PPP1R9A: variants seen among roughly 807,000 people sequenced by gnomAD.
PPP1R9A encodes the protein neurabin-1.
PPP1R9A carries 59 observed loss-of-function variants against 141.9 expected under a neutral mutation model. The observed-to-expected ratio is 0.42, with a 90% CI of 0.34 to 0.52. The LOEUF (loss-of-function observed/expected upper bound fraction) is 0.52, where lower values mean the gene tolerates loss of function less well. Ranked by LOEUF, PPP1R9A falls within the 20% of genes least tolerant of loss-of-function variation. The pLI is 0.10. For synonymous variants in PPP1R9A, 500 were observed against 569.7 expected (o/e 0.88, Z 1.74); for missense variants, 1,444 against 1,611.9 (o/e 0.90, Z 1.78).
At chr7:95,191,897 A>G (rs1414191953) in intron 5 of PPP1R9A, among the ~76,000 whole-genome samples, 1 of 152,104 alleles carries the variant, frequency 6.6e-6, no homozygotes, top group Non-Finnish European at 1.5e-5. Context: ...GATTCAACAC[A>G]TGTTGTCAGT....
intron 2 of PPP1R9A, among the ~76,000 whole-genome samples, chr7:94,925,483 C>G (rs1183573008): frequency 6.6e-6 from 1 of 151,948 alleles, no homozygotes; most frequent in East Asian, 1.9e-4. Context: ...CCCCACATGT[C>G]TTAGTGGGGG....
chr7:95,202,523 G>GTTT lies in PPP1R9A; in HGVS notation c.1891-1134_1891-1132dup. ...TGTTTAATCGAAGTATTGATCACTT[G>GTTT]TTTTTTTTTTCTTTCTTTCTCTTTT... is the stretch of plus-strand genomic sequence containing the variant. On this transcript the variant is annotated intron_variant, in intron 6 of 19. Transcript: ENST00000433360. 1.0e-4 allele frequency: 61 copies of GTTT among 592,468 alleles called. No individual in the cohort carries two copies. The Middle Eastern group carries it at 2.5e-3, about 25-fold the overall frequency. 36.7% of individuals were successfully genotyped at this position (592,468 alleles called of 1,614,324 possible). A position where few individuals can be genotyped will look rare whatever the true frequency, so the allele number is the denominator to read the frequency against.
intron 5 of PPP1R9A, among the ~76,000 whole-genome samples, chr7:95,165,464 C>T (rs1208132340): frequency 1.3e-5 from 2 of 152,188 alleles, no homozygotes; most frequent in Non-Finnish European, 2.9e-5. Context: ...TGAAGATCTT[C>T]CAGCCTTACT....
intron 12 of PPP1R9A, among the ~76,000 whole-genome samples, chr7:95,264,144 T>C (rs958260289): frequency 6.6e-6 from 1 of 152,210 alleles, no homozygotes; most frequent in Non-Finnish European, 1.5e-5. Flanking sequence ...GGCAATTATC[T>C]ATTAACCCAA....
At position 95,029,849 on chromosome 7, in the gene PPP1R9A, C is replaced by T. The variant is rs971793405; in HGVS notation, c.1396-81410C>T. On this transcript the variant is annotated intron_variant, in intron 2 of 19. Transcript: ENST00000433360. Reference sequence around the variant, plus strand: ...ATCTTAGTGAATCAAAACTGACATACATTGCCGTTTTAGTTGGCATTTACT... The same window carrying T: ...ATCTTAGTGAATCAAAACTGACATATATTGCCGTTTTAGTTGGCATTTACT... 2.6e-5 allele frequency among the ~76,000 whole-genome samples: 4 copies of T among 152,190 alleles called. No homozygotes were observed. In the East Asian group the frequency reaches 5.8e-4, roughly 22 times the overall value.
intron 8 of PPP1R9A, among the ~76,000 whole-genome samples, chr7:95,244,667 G>A (rs975766320): frequency 9.9e-5 from 15 of 152,130 alleles, no homozygotes; most frequent in African/African-American, 3.6e-4. Context: ...TTGATTTCTT[G>A]TTTCTCTTTA....
At chr7:95,173,663 T>A (rs1223323083) in intron 5 of PPP1R9A, among the ~76,000 whole-genome samples, 1 of 152,032 alleles carries the variant, frequency 6.6e-6, no homozygotes, top group Non-Finnish European at 1.5e-5. Context: ...AAGATTATTA[T>A]AACAACTATA....
chr7:95,270,687 C>T (rs116416040), intron 14 of PPP1R9A, among the ~76,000 whole-genome samples: 5 of 152,132 alleles, frequency 3.3e-5, no homozygotes, highest in African/African-American at 1.2e-4. Flanking sequence ...GCTTACATAG[C>T]ACTGGGCCTT....
chr7:95,087,648 G>A (rs544727701), intron 2 of PPP1R9A, among the ~76,000 whole-genome samples: 8 of 152,140 alleles, frequency 5.3e-5, no homozygotes, highest in African/African-American at 1.9e-4. Context: ...TTTAATCCCA[G>A]CACTTTGGGA....
At chr7:95,189,060 T>G (rs1020473456) in intron 5 of PPP1R9A, among the ~76,000 whole-genome samples, 8 of 152,164 alleles carry the variant, frequency 5.3e-5, no homozygotes, top group Non-Finnish European at 1.2e-4. Context: ...TTTTGCTGGA[T>G]ACAGAGTTCT....
chr7:95,146,991 G>A (rs1024331396), intron 4 of PPP1R9A, among the ~76,000 whole-genome samples: 1 of 152,138 alleles, frequency 6.6e-6, no homozygotes, highest in African/African-American at 2.4e-5. Flanking sequence ...CTCTTTTGTG[G>A]TTTCATATGA....
At chr7:95,216,649 T>C (rs1475304325) in intron 7 of PPP1R9A, among the ~76,000 whole-genome samples, 1 of 152,196 alleles carries the variant, frequency 6.6e-6, no homozygotes, top group Non-Finnish European at 1.5e-5. Flanking sequence ...CGTTGAGCAG[T>C]GGTTTGTAGT....
chr7:95,205,685 C>G (rs1218286513), intron 7 of PPP1R9A, among the ~76,000 whole-genome samples: 1 of 152,176 alleles, frequency 6.6e-6, no homozygotes, highest in Non-Finnish European at 1.5e-5. Flanking sequence ...TGTATGTCAG[C>G]TTAATCCTGT....
At position 95,290,115 on chromosome 7, in the gene PPP1R9A, G is replaced by T; in HGVS notation, c.3937G>T (p.Asp1313Tyr). The T allele has an allele frequency of 1.2e-6, 2 of 1,613,924 alleles. No individual in the cohort carries two copies. The highest frequency in any genetic ancestry group is 2.2e-5 in the South Asian group (2 of 91,020). ...LKALGMTASQ[D>Y]RAVVKKKLKE... The stretch of plus-strand genomic sequence containing the variant: ...GGCTCTTGGAATGACAGCATCCCAG[G>T]ACCGAGCAGTGGTCAAAAAGAAACT... The change falls in exon 20 of 20, where the codon GAC becomes TAC. Residue 1313 changes from aspartate to tyrosine, a missense_variant. Asp to Tyr is a radical substitution (Grantham distance 160). This residue lies in a region of PPP1R9A where 459 missense variants were observed against 513.8 expected (regional missense o/e 0.89). Coordinates refer to ENST00000433360, the MANE Select transcript of PPP1R9A (RefSeq NM_001166160.2).
intron 4 of PPP1R9A, among the ~76,000 whole-genome samples, chr7:95,125,923 A>G (rs1216857474): frequency 6.6e-6 from 1 of 152,078 alleles, no homozygotes; most frequent in Non-Finnish European, 1.5e-5. Flanking sequence ...ACCCCCTCTT[A>G]GGACCCATCT....
intron 9 of PPP1R9A, among the ~76,000 whole-genome samples, chr7:95,248,332 C>T (rs1798429845): frequency 6.9e-6 from 1 of 144,932 alleles, no homozygotes; most frequent in South Asian, 2.4e-4. Context: ...ACATTGAACA[C>T]TTGTTTTGGT....
At chr7:94,930,484 C>T (rs1353131178) in intron 2 of PPP1R9A, among the ~76,000 whole-genome samples, 4 of 152,024 alleles carry the variant, frequency 2.6e-5, no homozygotes, top group Non-Finnish European at 5.9e-5. Context: ...ATTACAGGTG[C>T]CCCCAAACAA....
chr7:94,941,727 A>C (rs1795351382), intron 2 of PPP1R9A, among the ~76,000 whole-genome samples: 1 of 152,088 alleles, frequency 6.6e-6, no homozygotes, highest in Non-Finnish European at 1.5e-5. Context: ...GTCCATTTAA[A>C]TCTTGATTTT....
chr7:95,222,243 A>G (rs975504315), intron 7 of PPP1R9A, among the ~76,000 whole-genome samples: 2 of 152,056 alleles, frequency 1.3e-5, no homozygotes, highest in African/African-American at 4.8e-5. Flanking sequence ...ATTAAAAAAT[A>G]TATTCCCAAT....
Sources: allele counts gnomAD v4.1 joint callset (sites outside exome capture counted in the v4.1 genomes callset), GRCh38; gene constraint gnomAD v4.1.1; regional missense constraint gnomAD v4.1.1; transcripts MANE v1.5; gene names NCBI Gene and HGNC (gene_info 2026-07-23, HGNC 2026-07-21).